CD109: variants seen among roughly 807,000 people sequenced by gnomAD.
CD109 encodes CD109 molecule.
A neutral mutation model predicts 165.8 loss-of-function variants in CD109; 149 were observed. The ratio of observed to expected loss-of-function variants is 0.90; its 90% CI spans 0.79 to 1.03. The LOEUF is 1.03. Ranked by LOEUF, CD109 falls within the 50% of genes least tolerant of loss-of-function variation. The probability of loss-of-function intolerance (pLI) is 0.00; values close to 1 mark genes in which losing one functional copy is unlikely to be tolerated. For synonymous variants in CD109, 585 were observed against 592.1 expected (o/e 0.99, Z 0.18); for missense variants, 1,712 against 1,677.8 (o/e 1.02, Z -0.36).
At chr6:73,813,116 T>C (rs1412761483) in intron 29 of CD109, among the ~76,000 whole-genome samples, 1 of 152,170 alleles carries the variant, frequency 6.6e-6, no homozygotes, top group Non-Finnish European at 1.5e-5. Context: ...TTATTTTGCA[T>C]TATTCTCAGA....
rs1775028259 is a variant in CD109 at position 73,792,924 on chromosome 6, G to C, written c.2878+122G>C. On this transcript the variant is annotated intron_variant, in intron 23 of 32. Coordinates refer to ENST00000287097, the MANE Select transcript of CD109 (RefSeq NM_133493.5). ...GTCTTAGGTAAGTGATGGGCTACAC[G>C]GTGTTGACATGTGCAGGAAGTGCAA... 4.4e-6 allele frequency: 3 copies of C among 687,080 alleles called. No homozygotes were observed. The East Asian group carries it at 8.4e-5, about 19-fold the overall frequency. 42.6% of individuals were successfully genotyped at this position (687,080 alleles called of 1,614,324 possible).
At chr6:73,683,650 T>G in the CD109 span, among the ~76,000 whole-genome samples, 1 of 152,184 alleles carries the variant, frequency 6.6e-6, no homozygotes, top group African/African-American at 2.4e-5. Context: ...TAGTCCGTTT[T>G]CACACTGCTG....
intron 23 of CD109, among the ~76,000 whole-genome samples, chr6:73,796,345 C>T (rs1775164841): frequency 6.6e-6 from 1 of 152,136 alleles, no homozygotes; most frequent in Non-Finnish European, 1.5e-5. Flanking sequence ...ACACTCTGAG[C>T]TCCATGCTGC....
intron 4 of CD109, among the ~76,000 whole-genome samples, chr6:73,734,844 T>A (rs1772487267): frequency 6.6e-6 from 1 of 152,160 alleles, no homozygotes; most frequent in Non-Finnish European, 1.5e-5. Flanking sequence ...TCAGTCACAG[T>A]CTAGTTGGGA....
intron 2 of CD109, among the ~76,000 whole-genome samples, chr6:73,717,170 G>A (rs1771771499): frequency 6.7e-6 from 1 of 150,146 alleles, no homozygotes; most frequent in Non-Finnish European, 1.5e-5. Context: ...TACTGTTTTG[G>A]TTACTATAGC....
intron 5 of CD109, 45 bp from the exon 6 acceptor site, chr6:73,756,598 G>T: frequency 1.5e-6 from 2 of 1,295,254 alleles, no homozygotes; most frequent in Non-Finnish European, 2.1e-6. Context: ...AAATAAATAA[G>T]AACTCATATA....
intron 2 of CD109, among the ~76,000 whole-genome samples, chr6:73,706,149 T>C (rs150338458): frequency 2.6e-5 from 4 of 152,174 alleles, no homozygotes; most frequent in African/African-American, 9.6e-5. Context: ...AGATGAAGAA[T>C]AAAATTGAAA....
At chr6:73,789,651 G>T (rs1382950446) in intron 22 of CD109, among the ~76,000 whole-genome samples, 1 of 151,436 alleles carries the variant, frequency 6.6e-6, no homozygotes, top group Non-Finnish European at 1.5e-5. Context: ...TAGTAGAGAT[G>T]GGGTTTCACC....
chr6:73,730,562 C>T lies in CD109; in HGVS notation c.495C>T (p.Asn165=), dbSNP rs766306053. The change falls in exon 4 of 33, where the codon AAC becomes AAT. Residue 165 remains asparagine, a synonymous_variant. Coordinates refer to ENST00000287097, the MANE Select transcript of CD109 (RefSeq NM_133493.5). ...SDFKPYKTSL[N]ILIKDPKSNL... ...TTAAGCCTTACAAAACCTCTTTAAA[C>T]ATTCTCATTAAGGTAAGTGCCAGAC... 1.9e-6 allele frequency: 3 copies of T among 1,606,840 alleles called. No individual in the cohort carries two copies. The highest frequency in any genetic ancestry group is 1.7e-5 in the Admixed American group (1 of 59,952).
intron 5 of CD109, among the ~76,000 whole-genome samples, chr6:73,750,289 A>G (rs9360706): frequency 0.04 from 6,077 of 152,266 alleles, 463 homozygotes; most frequent in East Asian, 0.3. Context: ...TATGAGCTAG[A>G]TGTATTTGGA....
At position 73,824,451 on chromosome 6, in the gene CD109, A is replaced by G. The variant is rs1322158347; in HGVS notation, c.*818A>G. On this transcript the variant is annotated 3_prime_UTR_variant, in exon 33 of 33. Transcript: ENST00000287097. Reference sequence around the variant, plus strand: ...GCAATATGTGCTTCATGGGATTTCGATTCGAAGATCCTAGACCAGGGAGAC... The same window carrying G: ...GCAATATGTGCTTCATGGGATTTCGGTTCGAAGATCCTAGACCAGGGAGAC... The G allele has an allele frequency of 6.6e-6, 1 of 152,128 alleles. No homozygotes were observed. The highest frequency in any genetic ancestry group is 1.5e-5 in the Non-Finnish European group (1 of 68,070). 9.4% of individuals were successfully genotyped at this position (152,128 alleles called of 1,614,324 possible).
intron 2 of CD109, among the ~76,000 whole-genome samples, chr6:73,700,143 G>A (rs1052254735): frequency 6.6e-6 from 1 of 152,154 alleles, no homozygotes; most frequent in Non-Finnish European, 1.5e-5. Context: ...GTGCAGTGGT[G>A]AAATCATAGC....
chr6:73,786,557 C>G (rs1322787982), intron 20 of CD109, among the ~76,000 whole-genome samples: 1 of 151,986 alleles, frequency 6.6e-6, no homozygotes, highest in Non-Finnish European at 1.5e-5. Context: ...TAATCTACCA[C>G]TTACCAGCAA....
intron 2 of CD109, among the ~76,000 whole-genome samples, chr6:73,721,366 C>CTTTT (rs200895014): frequency 7.2e-6 from 1 of 138,756 alleles, no homozygotes; most frequent in Non-Finnish European, 1.6e-5. Context: ...ATTTTTATTT[C>CTTTT]TTTTTTTTTT....
At chr6:73,725,511 T>C (rs1031932708) in intron 3 of CD109, among the ~76,000 whole-genome samples, 2 of 142,600 alleles carry the variant, frequency 1.4e-5, no homozygotes, top group Non-Finnish European at 3.1e-5. Context: ...CTTCTTTTTT[T>C]TTTTTTTTTT....
chr6:73,720,353 GA>G (rs1198355115), intron 2 of CD109, among the ~76,000 whole-genome samples: 2 of 152,120 alleles, frequency 1.3e-5, no homozygotes, highest in African/African-American at 4.8e-5. Context: ...GCAGTTACCA[GA>G]AGTGAAAGGA....
chr6:73,701,090 C>G (rs536278457), intron 2 of CD109, among the ~76,000 whole-genome samples: 2 of 150,088 alleles, frequency 1.3e-5, no homozygotes, highest in Admixed American at 1.3e-4. Flanking sequence ...CGTGAGCCAC[C>G]GTGCCCAGCG....
At chr6:73,710,780 C>T (rs369493182) in intron 2 of CD109, among the ~76,000 whole-genome samples, 33 of 152,158 alleles carry the variant, frequency 2.2e-4, no homozygotes, top group African/African-American at 7.7e-4. Flanking sequence ...CCACAGGGGT[C>T]GGCAAAATTT....
chr6:73,748,187 A>G (rs1773054316), intron 5 of CD109, among the ~76,000 whole-genome samples: 1 of 152,098 alleles, frequency 6.6e-6, no homozygotes, highest in Non-Finnish European at 1.5e-5. Context: ...TGTCCAAGCC[A>G]CTATTATATT....
Sources: allele counts gnomAD v4.1 joint callset (sites outside exome capture counted in the v4.1 genomes callset), GRCh38; gene constraint gnomAD v4.1.1; transcripts MANE v1.5; gene names NCBI Gene and HGNC (gene_info 2026-07-23, HGNC 2026-07-21).